The following BLMH variants were observed in gnomAD, a reference collection of about 807,000 sequenced individuals.
BLMH encodes bleomycin hydrolase, also known as BLM hydrolase.
A neutral mutation model predicts 61.6 loss-of-function variants in BLMH; 32 were observed. That is an observed-to-expected ratio of 0.52 (90% CI 0.39 to 0.70). The LOEUF is 0.70. Among genes scored for constraint, BLMH ranks in the 30% least tolerant of loss-of-function variants. The probability of loss-of-function intolerance (pLI) is 0.00; values close to 1 mark genes in which losing one functional copy is unlikely to be tolerated. For synonymous variants in BLMH, 183 were observed against 193.8 expected, an observed-to-expected ratio of 0.94 and a Z score of 0.46; for missense variants, 460 against 555.5, an observed-to-expected ratio of 0.83 and a Z score of 1.73.
chr17:30,287,773 G>T, intron 4 of BLMH, 33 bp downstream of exon 4: 1 of 1,610,342 alleles, frequency 6.2e-7, no homozygotes, highest in South Asian at 1.1e-5. Flanking sequence ...TAATCATGCT[G>T]AGTTTCAGTT....
chr17:30,291,647 C>T (rs1908894527), intron 1 of BLMH, 139 bp from the exon 2 acceptor site: 1 of 1,375,810 alleles, frequency 7.3e-7, no homozygotes, highest in Non-Finnish European at 9.7e-7. Context: ...CGGCATCCTC[C>T]TCCAAGGAGC....
intron 1 of BLMH, 122 bp from the exon 2 acceptor site, chr17:30,291,630 C>A (rs1001804115): frequency 7.1e-7 from 1 of 1,412,134 alleles, no homozygotes; most frequent in Non-Finnish European, 9.5e-7. Flanking sequence ...GCGGGGAAAC[C>A]CATAAGCGGC....
chr17:30,265,097 T>C (rs1163607525), intron 11 of BLMH, among the ~76,000 whole-genome samples: 1 of 152,052 alleles, frequency 6.6e-6, no homozygotes, highest in South Asian at 2.1e-4. Flanking sequence ...AAGGTAGACA[T>C]GTAACTATCT....
At chr17:30,286,597 C>T (rs1908733727) in intron 5 of BLMH, among the ~76,000 whole-genome samples, 1 of 152,116 alleles carries the variant, frequency 6.6e-6, no homozygotes, top group African/African-American at 2.4e-5. Flanking sequence ...ACATTAACAT[C>T]AACAGAAATA....
chr17:30,260,246 T>C (rs1409773948), intron 11 of BLMH, among the ~76,000 whole-genome samples: 3 of 152,232 alleles, frequency 2.0e-5, no homozygotes, highest in Admixed American at 6.5e-5. Flanking sequence ...CTCCAGATTC[T>C]GTGCTTAACC....
At chr17:30,263,916 C>A (rs1908029561) in intron 11 of BLMH, among the ~76,000 whole-genome samples, 1 of 152,206 alleles carries the variant, frequency 6.6e-6, no homozygotes, top group Admixed American at 6.5e-5. Flanking sequence ...AAAATCCCAG[C>A]AATGCTTCTT....
At chr17:30,269,649 T>G (rs1414558166) in intron 10 of BLMH, among the ~76,000 whole-genome samples, 1 of 152,194 alleles carries the variant, frequency 6.6e-6, no homozygotes, top group Non-Finnish European at 1.5e-5. Flanking sequence ...TGGGTAACCC[T>G]AAAAACCTGT....
intron 1 of BLMH, 37 bp from the exon 2 acceptor site, chr17:30,291,545 A>AG (rs770248596): frequency 5.6e-6 from 9 of 1,607,132 alleles, no homozygotes; most frequent in Non-Finnish European, 7.7e-6. Context: ...ACGCAAAAAG[A>AG]GGGGGAAAGG....
chr17:30,252,714 G>C (rs778367194), intron 11 of BLMH, among the ~76,000 whole-genome samples: 1 of 152,028 alleles, frequency 6.6e-6, no homozygotes, highest in African/African-American at 2.4e-5. Context: ...ACCAAGGCAG[G>C]TAAAGGAATG....
intron 6 of BLMH, among the ~76,000 whole-genome samples, chr17:30,277,555 C>A (rs980228304): frequency 2.0e-5 from 3 of 152,230 alleles, no homozygotes; most frequent in African/African-American, 7.2e-5. Flanking sequence ...TCAATCAATT[C>A]TCAGTTATCC....
chr17:30,251,515 C>T (rs1173867655), intron 11 of BLMH, among the ~76,000 whole-genome samples: 3 of 152,260 alleles, frequency 2.0e-5, no homozygotes, highest in African/African-American at 4.8e-5. Context: ...CTGACCGTAT[C>T]TGCTACTTGT....
rs1908263609 is a variant in BLMH at position 30,271,309 on chromosome 17, T to C, written c.1108A>G (p.Met370Val). The C allele has an allele frequency of 1.2e-6, 2 of 1,614,100 alleles. No homozygotes were observed. The highest frequency in any genetic ancestry group is 1.7e-5 in the Admixed American group (1 of 60,020). ...AERLTFGESL[M>V]THAMTFTAVS... Reference sequence around the variant, plus strand: ...GCAGTGAAGGTCATGGCGTGGGTCATAAGTGACTCACCAAAAGTCAGCCTC... The same window carrying C: ...GCAGTGAAGGTCATGGCGTGGGTCACAAGTGACTCACCAAAAGTCAGCCTC... Residue 370 changes from methionine to valine, a missense_variant, in exon 10 of 12, where the codon ATG (methionine) becomes GTG (valine). Physicochemically the swap from Met to Val is conservative, Grantham distance 21 (BLOSUM62 1). Around this residue, in one of 5 missense-constraint regions of BLMH, gnomAD observed 310 missense variants for 371.1 expected, o/e 0.84. Transcript: ENST00000261714.
chr17:30,291,506 G>C lies in BLMH; in HGVS notation c.16C>G (p.Leu6Val). Reference sequence around the variant, plus strand: ...AGAGCAGCTACCTTCTCCGAATTCAGTCCTGTTGGGAGACCAAACAGGATT... The same window carrying C: ...AGAGCAGCTACCTTCTCCGAATTCACTCCTGTTGGGAGACCAAACAGGATT... MSSSGLNSEKVAALIQ... is the reference protein window; with the variant it reads MSSSGVNSEKVAALIQ... Residue 6 changes from leucine (L) to valine (V), a missense_variant and splice_region_variant, in exon 2 of 12, where the codon CTG (leucine) becomes GTG (valine). Transcript: ENST00000261714. 6.2e-7 allele frequency: 1 copy of C among 1,613,682 alleles called. No individual in the cohort carries two copies. Among genetic ancestry groups the C allele is most frequent in the Non-Finnish European group, 8.5e-7 (1 of 1,179,556 alleles).
intron 6 of BLMH, among the ~76,000 whole-genome samples, chr17:30,282,579 T>C (rs915756711): frequency 1.3e-4 from 20 of 152,166 alleles, no homozygotes; most frequent in Non-Finnish European, 1.9e-4. Flanking sequence ...TGAGATAACA[T>C]TGCAATAGAG....
At position 30,291,794 on chromosome 17, in the gene BLMH, GGCGGCA is replaced by G. The variant is rs1908901443; in HGVS notation, c.13+7_13+12del. 5.7e-6 allele frequency: 8 copies of G among 1,400,864 alleles called. No individual in the cohort carries two copies. In the East Asian group the frequency reaches 1.8e-4, roughly 32 times the overall value. The allele number at this position is 1,400,864 out of a possible 1,614,324, so 86.8% of individuals were successfully genotyped here. ...CCTCCAGAGGACCGCGGCGGGGGAC[GGCGGCA>G]CCTCACCCGAGCTGCTCATGGCGCC... is the stretch of plus-strand genomic sequence containing the variant. On this transcript the variant is annotated splice_region_variant and intron_variant, in intron 1 of 11. Transcript: ENST00000261714.
Position 30,291,871 on chromosome 17 carries a change from A to G in BLMH, c.-52T>C. On this transcript the variant is annotated 5_prime_UTR_variant, in exon 1 of 12. Coordinates refer to ENST00000261714, the MANE Select transcript of BLMH (RefSeq NM_000386.4). ...CGGTAGCTTCCAGGGTCCTTGGGCG[A>G]GCGCCGGGATTGCGCTGCGGCTCGC... 7.8e-7 allele frequency: 1 copy of G among 1,279,576 alleles called. No individual in the cohort carries two copies. Among genetic ancestry groups the G allele is most frequent in the Non-Finnish European group, 9.8e-7 (1 of 1,016,760 alleles). 79.3% of individuals were successfully genotyped at this position (1,279,576 alleles called of 1,614,324 possible).
intron 3 of BLMH, among the ~76,000 whole-genome samples, chr17:30,288,666 A>T (rs1413467038): frequency 6.6e-6 from 1 of 152,022 alleles, no homozygotes; most frequent in Non-Finnish European, 1.5e-5. Context: ...CATTTTGAAG[A>T]TTAGGAAATG....
rs568601801 is a variant in BLMH at position 30,289,492 on chromosome 17, G to A, written c.212-10C>T. The A allele has an allele frequency of 3.4e-5, 54 of 1,595,286 alleles. No individual in the cohort carries two copies. In the African/African-American group the frequency reaches 5.9e-4, roughly 17 times the overall value. On this transcript the variant is annotated splice_polypyrimidine_tract_variant and intron_variant, in intron 2 of 11. Transcript: ENST00000261714. Reference sequence around the variant, plus strand: ...AAGATCCAGCATCGCCCTGAAACAAGAAAGCACATCAAGAAATTATGAGGG... The same window carrying A: ...AAGATCCAGCATCGCCCTGAAACAAAAAAGCACATCAAGAAATTATGAGGG...
chr17:30,283,728 G>C (rs950717942), intron 6 of BLMH, among the ~76,000 whole-genome samples: 3 of 151,918 alleles, frequency 2.0e-5, no homozygotes, highest in African/African-American at 7.3e-5. Context: ...CACCATGTTG[G>C]TCAGGATGGT....
Sources: gnomAD v4.1 joint callset for allele counts (sites outside exome capture counted in the v4.1 genomes callset) on GRCh38, gnomAD v4.1.1 for gene constraint, gnomAD v4.1.1 regional missense constraint, MANE v1.5 for transcripts, NCBI Gene and HGNC (gene_info 2026-07-23, HGNC 2026-07-21) for gene names.